CDK14: variants seen among roughly 807,000 people sequenced by gnomAD.
CDK14 encodes cyclin-dependent kinase 14.
Under a neutral mutation model 60.7 loss-of-function variants are expected in CDK14, and 34 were observed. The ratio of observed to expected loss-of-function variants is 0.56; its 90% CI spans 0.43 to 0.75. The LOEUF is 0.75. CDK14 is among the 30% of genes least tolerant of loss of function. CDK14 has a pLI of 0.00. For missense variants in CDK14, 482 were observed against 564.1 expected, an observed-to-expected ratio of 0.85 and a Z score of 1.47; for synonymous variants, 197 against 203.7, an observed-to-expected ratio of 0.97 and a Z score of 0.28.
intron 2 of CDK14, among the ~76,000 whole-genome samples, chr7:90,666,876 A>G (rs962213374): frequency 1.3e-5 from 2 of 152,162 alleles, no homozygotes; most frequent in Admixed American, 6.5e-5. Flanking sequence ...TTGTATCGCA[A>G]TCTCTTTCAA....
intron 14 of CDK14, among the ~76,000 whole-genome samples, chr7:91,150,337 T>C (rs1800795710): frequency 6.6e-6 from 1 of 152,240 alleles, no homozygotes; most frequent in African/African-American, 2.4e-5. Context: ...TAAAATAGAT[T>C]AACCAATTAA....
chr7:90,708,486 A>G (rs1801949601), intron 2 of CDK14, among the ~76,000 whole-genome samples: 1 of 152,198 alleles, frequency 6.6e-6, no homozygotes, highest in Non-Finnish European at 1.5e-5. Flanking sequence ...GAAAGTATGT[A>G]ATATTTGTAT....
chr7:91,039,181 C>T (rs954926075), intron 10 of CDK14, among the ~76,000 whole-genome samples: 29 of 152,158 alleles, frequency 1.9e-4, no homozygotes, highest in African/African-American at 6.7e-4. Flanking sequence ...GTCCCTTCAC[C>T]TCTTTTCCTG....
chr7:90,987,635 T>C (rs1341377766), intron 10 of CDK14, among the ~76,000 whole-genome samples: 1 of 152,138 alleles, frequency 6.6e-6, no homozygotes, highest in Non-Finnish European at 1.5e-5. Context: ...ATATTAGCTA[T>C]ATTATCACAC....
intron 8 of CDK14, among the ~76,000 whole-genome samples, chr7:90,954,564 A>G (rs1794351738): frequency 6.6e-6 from 1 of 151,656 alleles, no homozygotes; most frequent in Non-Finnish European, 1.5e-5. Flanking sequence ...ATAATCCCAT[A>G]TTCCAGAGGT....
chr7:91,145,929 TA>T (rs1800620060), intron 14 of CDK14, among the ~76,000 whole-genome samples: 1 of 151,158 alleles, frequency 6.6e-6, no homozygotes, highest in Non-Finnish European at 1.5e-5. Context: ...TTTATTTATT[TA>T]TTTATTTATT....
intron 9 of CDK14, among the ~76,000 whole-genome samples, chr7:90,964,539 AGTGATCTTCT>A (rs1165834559): frequency 1.3e-5 from 2 of 152,224 alleles, no homozygotes; most frequent in African/African-American, 4.8e-5. Flanking sequence ...ATAGAAAAAC[AGTGATCTTCT>A]GCCTCATCCA....
intron 5 of CDK14, among the ~76,000 whole-genome samples, chr7:90,838,079 C>A (rs898150608): frequency 6.6e-6 from 1 of 151,908 alleles, no homozygotes; most frequent in African/African-American, 2.4e-5. Flanking sequence ...AGTCAGGGAC[C>A]CCAAATGGAG....
chr7:91,085,450 G>A (rs951323469), intron 12 of CDK14, among the ~76,000 whole-genome samples: 6 of 152,292 alleles, frequency 3.9e-5, no homozygotes, highest in African/African-American at 1.2e-4. Flanking sequence ...TCCAGCAGGA[G>A]AAAGTTCTCT....
At chr7:90,660,625 T>C (rs917920836) in intron 2 of CDK14, among the ~76,000 whole-genome samples, 2 of 152,254 alleles carry the variant, frequency 1.3e-5, no homozygotes, top group African/African-American at 4.8e-5. Flanking sequence ...TGTATTGATA[T>C]ATACATACAA....
Position 90,971,653 on chromosome 7 carries a change from T to TAAAAAAAAAAAAAA in CDK14, c.948-12490_948-12477dup, listed in dbSNP as rs35135401. On this transcript the variant is annotated intron_variant, in intron 9 of 14. Transcript: ENST00000380050. ...CAACTTGATGACTGCATATACATAG[T>TAAAAAAAAAAAAAA]AAAAAAAAAAAAAAAAAAGGCAAAA... 1.7e-5 allele frequency among the ~76,000 whole-genome samples: 2 copies of TAAAAAAAAAAAAAA among 119,540 alleles called. 1 individual carries two copies. Among genetic ancestry groups the TAAAAAAAAAAAAAA allele is most frequent in the African/African-American group, 6.5e-5 (2 of 30,830 alleles). 78.4% of individuals were successfully genotyped at this position (119,540 alleles called of 152,430 possible).
chr7:90,657,759 G>A (rs936533766), intron 2 of CDK14, among the ~76,000 whole-genome samples: 3 of 152,068 alleles, frequency 2.0e-5, no homozygotes, highest in African/African-American at 7.2e-5. Context: ...ACTTAACAAC[G>A]ACAGCAAAAA....
At chr7:90,853,693 C>T (rs191556783) in intron 5 of CDK14, among the ~76,000 whole-genome samples, 1 of 152,160 alleles carries the variant, frequency 6.6e-6, no homozygotes, top group East Asian at 1.9e-4. Context: ...TCTGTGTTAC[C>T]TCTGTTTTAT....
At chr7:90,611,214 C>T (rs1378291008) in intron 2 of CDK14, among the ~76,000 whole-genome samples, 1 of 152,152 alleles carries the variant, frequency 6.6e-6, no homozygotes, top group Non-Finnish European at 1.5e-5. Context: ...CTTAAGTCTT[C>T]CCCATCTCGT....
chr7:91,157,087 A>G (rs1584141402), intron 14 of CDK14, among the ~76,000 whole-genome samples: 1 of 152,198 alleles, frequency 6.6e-6, no homozygotes, highest in African/African-American at 2.4e-5. Flanking sequence ...TTGGCTCTGA[A>G]TTAGGATGCA....
rs80014844 is a variant in CDK14, at chr7:91,161,097, A to G, written c.*28+42889A>G. ...AAGCAATGTGAAAGAGATATGGGCA[A>G]TTGGTGTCAAAATTCTGAACAGAGG... On this transcript the variant is annotated intron_variant, in intron 14 of 14. Coordinates refer to ENST00000380050, the MANE Select transcript of CDK14 (RefSeq NM_001287135.2). 3.2e-3 allele frequency among the ~76,000 whole-genome samples: 488 copies of G among 152,330 alleles called. 2 individuals are homozygous for G. The highest frequency in any genetic ancestry group is 0.011 in the African/African-American group (477 of 41,580).
intron 14 of CDK14, 49 bp from the exon 15 acceptor site, chr7:91,207,116 G>T (rs572816284): frequency 1.3e-5 from 2 of 152,172 alleles, no homozygotes; most frequent in East Asian, 3.9e-4. Flanking sequence ...TAGAAGAAAT[G>T]AATGGTGTAG....
At chr7:90,964,529 A>G (rs1027027104) in intron 9 of CDK14, among the ~76,000 whole-genome samples, 17 of 152,198 alleles carry the variant, frequency 1.1e-4, no homozygotes, top group Non-Finnish European at 1.8e-4. Context: ...AGCAATAACA[A>G]TAGAAAAACA....
At chr7:91,131,054 GCAGT>G (rs1428768279) in intron 14 of CDK14, among the ~76,000 whole-genome samples, 2 of 151,958 alleles carry the variant, frequency 1.3e-5, no homozygotes, top group Non-Finnish European at 2.9e-5. Flanking sequence ...AACCTGAGTA[GCAGT>G]CAGTCAGATT....
Sources: allele counts gnomAD v4.1 joint callset (sites outside exome capture counted in the v4.1 genomes callset), GRCh38; gene constraint gnomAD v4.1.1; transcripts MANE v1.5; gene names NCBI Gene and HGNC (gene_info 2026-07-23, HGNC 2026-07-21).